The following DHRS2 variants were observed in gnomAD, a reference collection of about 807,000 sequenced individuals.
DHRS2 encodes the protein dehydrogenase/reductase SDR family member 2, mitochondrial.
A neutral mutation model predicts 26.3 loss-of-function variants in DHRS2; 29 were observed. The ratio of observed to expected loss-of-function variants is 1.10; its 90% CI spans 0.82 to 1.50. The LOEUF is 1.50. Among genes scored for constraint, DHRS2 ranks in the 40% most tolerant of loss-of-function variants. The pLI, the probability that DHRS2 is intolerant of heterozygous loss-of-function variation, is 0.00. For synonymous variants in DHRS2, 164 were observed against 151.3 expected (o/e 1.08, Z -0.62); for missense variants, 439 against 367.1 (o/e 1.20, Z -1.60).
At position 23,638,986 on chromosome 14, in the gene DHRS2, T is replaced by A. The variant is rs1346747354; in HGVS notation, c.122T>A (p.Val41Asp). Reference sequence around the variant, plus strand: ...GTCCTGGCTAACCGGGTAGCCGTGGTCACGGGGTCCACCAGTGGGTGAGTG... The same window carrying A: ...GTCCTGGCTAACCGGGTAGCCGTGGACACGGGGTCCACCAGTGGGTGAGTG... ...KGVLANRVAV[V>D]TGSTSGIGFA... The change falls in exon 2 of 9, where the codon GTC becomes GAC. Residue 41 changes from valine (V) to aspartate (D), a missense_variant. Transcript: ENST00000250383. The A allele has an allele frequency of 1.9e-6, 3 of 1,613,436 alleles. No individual in the cohort carries two copies. Among genetic ancestry groups the A allele is most frequent in the Non-Finnish European group, 2.5e-6 (3 of 1,179,990 alleles).
upstream of DHRS2, among the ~76,000 whole-genome samples, chr14:23,634,754 C>T (rs143396355): frequency 3.9e-3 from 601 of 152,184 alleles, 3 homozygotes; most frequent in African/African-American, 0.013. Flanking sequence ...AATCTCATGT[C>T]GAATTGTAAT....
At chr14:23,638,761 G>A (rs1890472272) in intron 1 of DHRS2, 66 bp from the exon 2 acceptor site, 1 of 1,473,266 alleles carries the variant, frequency 6.8e-7, no homozygotes, top group African/African-American at 1.4e-5. Flanking sequence ...GGAGGAAGGA[G>A]GAGGGTAGAT....
chr14:23,639,810 G>T lies in DHRS2; in HGVS notation c.335G>T (p.Gly112Val), dbSNP rs1890553813. 1 of 1,608,998 alleles carries T rather than the reference G, an allele frequency of 6.2e-7. No homozygotes were observed. The highest frequency in any genetic ancestry group is 8.5e-7 in the Non-Finnish European group (1 of 1,177,478). ...QLVAKALEHC[G>V]GVDFLVCSAG... is the part of the protein sequence containing the mutation. ...TCTCCGCAGGCCCTGGAGCACTGTG[G>T]GGGCGTCGACTTCCTGGTGTGCAGC... is the stretch of plus-strand genomic sequence containing the variant. The change falls in exon 4 of 9, where the codon GGG becomes GTG. Residue 112 changes from glycine (G) to valine (V), a missense_variant. Gly to Val is a moderately radical substitution (Grantham distance 109, BLOSUM62 -3). Coordinates refer to ENST00000250383, the MANE Select transcript of DHRS2 (RefSeq NM_005794.4).
At chr14:23,637,762 A>G (rs2138371589) in intron 1 of DHRS2, among the ~76,000 whole-genome samples, 1 of 152,320 alleles carries the variant, frequency 6.6e-6, no homozygotes, top group South Asian at 2.1e-4. Context: ...GTGTCTAGCG[A>G]AAGGATTGTA....
upstream of DHRS2, chr14:23,636,189 G>T (rs908964737): frequency 1.2e-4 from 19 of 152,102 alleles, no homozygotes; most frequent in African/African-American, 4.6e-4. Context: ...TCTAGCTAAA[G>T]GTTTGTAAAT....
intron 1 of DHRS2, among the ~76,000 whole-genome samples, chr14:23,630,686 G>A (rs2138351370): frequency 6.6e-6 from 1 of 152,346 alleles, no homozygotes; most frequent in African/African-American, 2.4e-5. Context: ...AGGTGGTTGG[G>A]TTGCAGCTTG....
chr14:23,636,813 A>AT (rs1187192329), intron 1 of DHRS2, 41 bp downstream of exon 1: 1 of 152,114 alleles, frequency 6.6e-6, no homozygotes, highest in Admixed American at 6.5e-5. Context: ...ATTCTGTCCT[A>AT]TTTTTCCTTA....
rs746044130 is a variant in DHRS2, at chr14:23,644,157, G to A, written c.535G>A (p.Val179Ile). The change falls in exon 6 of 9, where the codon GTA becomes ATA. Residue 179 changes from valine (V) to isoleucine (I), a missense_variant. Coordinates refer to ENST00000250383, the MANE Select transcript of DHRS2 (RefSeq NM_005794.4). ...CTCTTCCATTGCAGCTTATAATCCA[G>A]TAGTGGTAAGTGCTTGGTCCTTGTG... is the stretch of plus-strand genomic sequence containing the variant. Reference protein sequence around the residue: ...LVSSIAAYNPVVALGVYNVSK... With the variant: ...LVSSIAAYNPIVALGVYNVSK... 3 of 1,614,182 alleles carry A rather than the reference G, an allele frequency of 1.9e-6. 1 individual carries two copies. In the South Asian group the frequency reaches 3.3e-5, roughly 18 times the overall value.
At chr14:23,641,950 C>T (rs1340760616) in intron 4 of DHRS2, 2 of 1,159,706 alleles carry the variant, frequency 1.7e-6, no homozygotes, top group African/African-American at 1.6e-5. Flanking sequence ...GGTGCCATGT[C>T]AGTCCCACCT....
intron 5 of DHRS2, 103 bp from the exon 6 acceptor site, chr14:23,644,008 G>T (rs1377720683): frequency 1.7e-6 from 2 of 1,187,266 alleles, no homozygotes; most frequent in Non-Finnish European, 1.3e-6. Flanking sequence ...AATAGGACCT[G>T]TGTTGCTTCT....
upstream of DHRS2, chr14:23,636,225 G>A (rs1347269167): frequency 6.6e-6 from 1 of 152,062 alleles, no homozygotes; most frequent in African/African-American, 2.4e-5. Flanking sequence ...CTGTCAAAAC[G>A]GACCAATCAG....
intron 5 of DHRS2, 190 bp downstream of exon 5, chr14:23,643,409 A>G: frequency 1.7e-6 from 1 of 595,398 alleles, no homozygotes; most frequent in Non-Finnish European, 3.0e-6. Flanking sequence ...GCAGGATGAG[A>G]GTAGTATTCC....
intron 1 of DHRS2, chr14:23,638,103 CCT>C (rs1428804543): frequency 2.0e-5 from 3 of 152,426 alleles, no homozygotes; most frequent in Non-Finnish European, 2.9e-5. Context: ...CAACTTCACT[CCT>C]GAGGCCAGTG....
chr14:23,631,237 T>C (rs760580408), intron 1 of DHRS2, among the ~76,000 whole-genome samples: 7 of 152,208 alleles, frequency 4.6e-5, no homozygotes, highest in Non-Finnish European at 8.8e-5. Context: ...GAATTTGGTA[T>C]CTTATTGCTA....
At chr14:23,640,013 C>T in intron 4 of DHRS2, 118 bp downstream of exon 4, 1 of 944,514 alleles carries the variant, frequency 1.1e-6, no homozygotes, top group East Asian at 3.3e-5. Context: ...GAGAAGCAGG[C>T]CCTGGGTGGT....
chr14:23,639,073 G>C, intron 2 of DHRS2, 69 bp downstream of exon 2: 1 of 1,596,182 alleles, frequency 6.3e-7, no homozygotes, highest in South Asian at 1.1e-5. Context: ...AGGACTCAGG[G>C]TTTTAAAGCA....
chr14:23,636,929 A>T (rs1890331508), intron 1 of DHRS2, among the ~76,000 whole-genome samples, 157 bp downstream of exon 1: 1 of 152,166 alleles, frequency 6.6e-6, no homozygotes, highest in African/African-American at 2.4e-5. Context: ...AGGGATCTCT[A>T]ACAACCCCTG....
intron 7 of DHRS2, 118 bp from the exon 8 acceptor site, chr14:23,644,709 A>T (rs1252339892): frequency 4.6e-5 from 69 of 1,492,706 alleles, no homozygotes; most frequent in Non-Finnish European, 6.1e-5. Context: ...TCCTGAAAAG[A>T]TGCTCCTTCT....
chr14:23,639,840 G>C lies in DHRS2; in HGVS notation c.365G>C (p.Gly122Ala). Reference protein sequence around the residue: ...GGVDFLVCSAGVNPLVGSTLG... With the variant: ...GGVDFLVCSAAVNPLVGSTLG... ...GTCGACTTCCTGGTGTGCAGCGCAGGGGTCAACCCTCTGGTAGGGAGCACT... is the reference window on the plus strand; with the variant it reads ...GTCGACTTCCTGGTGTGCAGCGCAGCGGTCAACCCTCTGGTAGGGAGCACT... Residue 122 changes from glycine to alanine, a missense_variant, in exon 4 of 9, where the codon GGG (glycine) becomes GCG (alanine). Coordinates refer to ENST00000250383, the MANE Select transcript of DHRS2 (RefSeq NM_005794.4). 2 of 1,610,374 alleles carry C rather than the reference G, an allele frequency of 1.2e-6. No individual in the cohort carries two copies. The highest frequency in any genetic ancestry group is 1.7e-6 in the Non-Finnish European group (2 of 1,178,040).
Sources: allele counts gnomAD v4.1 joint callset (sites outside exome capture counted in the v4.1 genomes callset), GRCh38; gene constraint gnomAD v4.1.1; transcripts MANE v1.5; gene names NCBI Gene and HGNC (gene_info 2026-07-23, HGNC 2026-07-21).